The following PWWP3A variants were observed in gnomAD, a reference collection of about 807,000 sequenced individuals.
PWWP3A encodes the protein PWWP domain-containing DNA repair factor 3A.
A neutral mutation model predicts 79.0 loss-of-function variants in PWWP3A; 53 were observed. The ratio of observed to expected loss-of-function variants is 0.67; its 90% confidence interval spans 0.54 to 0.84. The LOEUF is 0.84. PWWP3A is among the 40% of genes least tolerant of loss of function. The probability of loss-of-function intolerance (pLI) is 0.00; values close to 1 mark genes in which losing one functional copy is unlikely to be tolerated. For missense variants in PWWP3A, 973 were observed against 948.0 expected, an observed-to-expected ratio of 1.03 and a Z score of -0.35; for synonymous variants, 443 against 394.4, an observed-to-expected ratio of 1.12 and a Z score of -1.46.
At chr19:1,357,503 GACAGGCCCA>G (rs1253095168) in intron 3 of PWWP3A, 1 of 149,240 alleles carries the variant, frequency 6.7e-6, no homozygotes, top group Non-Finnish European at 1.4e-5. Flanking sequence ...AAACGTCTGT[GACAGGCCCA>G]TCAATTTTGA....
In PWWP3A at chr19:1,369,122, C is replaced by A. The variant is rs1007729671; in HGVS notation, c.1423-143C>A. 11 of 690,322 alleles carry A rather than the reference C, an allele frequency of 1.6e-5. No individual in the cohort carries two copies. The highest frequency in any genetic ancestry group is 3.4e-4 in the Middle Eastern group (1 of 2,948). The allele number at this position is 690,322 out of a possible 1,614,324, so 42.8% of individuals were successfully genotyped here. A position where few individuals can be genotyped will look rare whatever the true frequency, so the allele number is the denominator to read the frequency against. ...CTGTGCGAGGCGTCTGCCAGAGCCCCCTTTGTCAGGGAGGGTCAGAGGTGC... is the reference window on the plus strand; with the variant it reads ...CTGTGCGAGGCGTCTGCCAGAGCCCACTTTGTCAGGGAGGGTCAGAGGTGC... On this transcript the variant is annotated intron_variant, in intron 9 of 13. Coordinates refer to ENST00000591337, the MANE Select transcript of PWWP3A (RefSeq NM_001369789.1). The surrounding 1 kb of genome is among the most constrained non-coding windows in gnomAD (Gnocchi z 4.0).
rs539512712 is a variant in PWWP3A at position 1,374,187 on chromosome 19, A to AT, written c.2075+1038dup. ...CCATCTGTGGAAATCTTTCATCCTG[A>AT]TTTTTTTTTTTGAGTCTGGGTTGCC... On this transcript the variant is annotated intron_variant, in intron 13 of 13. Transcript: ENST00000591337. 3.9e-4 allele frequency: 58 copies of AT among 147,622 alleles called. 1 individual carries two copies. Among genetic ancestry groups the AT allele is most frequent in the South Asian group, 1.5e-3 (7 of 4,642 alleles). 9.1% of individuals were successfully genotyped at this position (147,622 alleles called of 1,614,324 possible).
intron 12 of PWWP3A, 113 bp downstream of exon 12, chr19:1,371,191 G>A (rs754479381): frequency 2.5e-5 from 31 of 1,259,504 alleles, no homozygotes; most frequent in South Asian, 1.0e-4. Flanking sequence ...GCCGTTCGGC[G>A]GCCAACGGAG....
At chr19:1,375,527 A>T (rs553686350) in intron 13 of PWWP3A, among the ~76,000 whole-genome samples, 3 of 9,064 alleles carry the variant, frequency 3.3e-4, no homozygotes, top group East Asian at 0.014. Context: ...AAATCATATA[A>T]TTTATATATT....
chr19:1,366,518 G>A (rs1410428078), intron 8 of PWWP3A, 137 bp downstream of exon 8: 1 of 748,692 alleles, frequency 1.3e-6, no homozygotes, highest in Non-Finnish European at 2.3e-6. Flanking sequence ...GGCTAGTGAG[G>A]TCTCACTGGA....
rs1198575975 is a variant in PWWP3A at position 1,360,162 on chromosome 19, C to T, written c.241C>T (p.Pro81Ser). Residue 81 changes from proline (P) to serine (S), a missense_variant, in exon 5 of 14, where the codon CCC (proline) becomes TCC (serine). Physicochemically the swap from Pro to Ser is moderately conservative, Grantham distance 74 (BLOSUM62 -1). Coordinates refer to ENST00000591337, the MANE Select transcript of PWWP3A (RefSeq NM_001369789.1). The surrounding 1 kb of genome is among the most constrained non-coding windows in gnomAD (Gnocchi z 4.4). ...CTCACAGAATGAGGTTCCTGCGGCA[C>T]CCCTGGAAGAACTGGCCTACAGACG... ...LASQNEVPAA[P>S]LEELAYRRSL... 6.3e-7 allele frequency: 1 copy of T among 1,575,656 alleles called. No homozygotes were observed. The highest frequency in any genetic ancestry group is 1.2e-5 in the South Asian group (1 of 84,872).
Position 1,359,013 on chromosome 19 carries a change from C to G in PWWP3A, c.214+549C>G, listed in dbSNP as rs79755461. ...GGTCGGAAGTGGAGCTCTCGGCTTC[C>G]CATCCATCCGGGTGCGCTTTCTCCC... On this transcript the variant is annotated intron_variant, in intron 4 of 13. Transcript: ENST00000591337. The G allele has an allele frequency of 6.8e-3, 2,064 of 302,374 alleles. 4 individuals are homozygous for G. The highest frequency in any genetic ancestry group is 0.011 in the Non-Finnish European group (1,661 of 148,986). The allele number at this position is 302,374 out of a possible 1,614,324, so 18.7% of individuals were successfully genotyped here. A position where few individuals can be genotyped will look rare whatever the true frequency, so the allele number is the denominator to read the frequency against.
intron 1 of PWWP3A, 104 bp from the exon 2 acceptor site, chr19:1,356,220 T>A: frequency 1.2e-5 from 7 of 594,146 alleles, no homozygotes; most frequent in Non-Finnish European, 1.9e-5. Context: ...AATTAAACCA[T>A]CTACTTGAGG....
intron 12 of PWWP3A, 30 bp downstream of exon 12, chr19:1,371,108 C>G: frequency 6.5e-7 from 1 of 1,542,116 alleles, no homozygotes; most frequent in South Asian, 1.2e-5. Context: ...GTCACGTGGG[C>G]AGGGAGGGGC....
chr19:1,362,390 G>C, intron 6 of PWWP3A, 39 bp downstream of exon 6: 1 of 1,538,696 alleles, frequency 6.5e-7, no homozygotes, highest in Non-Finnish European at 8.9e-7. Context: ...TCCTAACGGT[G>C]CGCTCAGAGG....
Position 1,373,140 on chromosome 19 carries a change from GGGGC to G in PWWP3A, c.2056_2059del (p.Gly686LeufsTer3). ...AGACGGCTGAGGAGAAGTACATCAA[GGGGC>G]CTTCGCTGAGCTACCGGTAGGCCGC... On this transcript the variant is annotated frameshift_variant, in exon 13 of 14. Coordinates refer to ENST00000591337, the MANE Select transcript of PWWP3A (RefSeq NM_001369789.1). LOFTEE classifies it high-confidence loss of function. 6.2e-7 allele frequency: 1 copy of G among 1,614,184 alleles called. No homozygotes were observed. The highest frequency in any genetic ancestry group is 8.5e-7 in the Non-Finnish European group (1 of 1,180,016).
At position 1,369,600 on chromosome 19, in the gene PWWP3A, C is replaced by T. The variant is rs151325325; in HGVS notation, c.1503C>T (p.Cys501=). The change falls in exon 11 of 14, where the codon TGC becomes TGT. Residue 501 remains cysteine, a synonymous_variant. Coordinates refer to ENST00000591337, the MANE Select transcript of PWWP3A (RefSeq NM_001369789.1). The surrounding 1 kb of genome is among the most constrained non-coding windows in gnomAD (Gnocchi z 4.0). The stretch of plus-strand genomic sequence containing the variant: ...TCTCCCCTCCACCCCCTGCAGGCTG[C>T]GGGTCTTTTGCTGGCTCTTTCCTGG... ...LITDYRVRLG[C]GSFAGSFLEY... is the part of the protein sequence containing the mutation. 116 of 1,614,162 alleles carry T rather than the reference C, an allele frequency of 7.2e-5. No homozygotes were observed. The highest frequency in any genetic ancestry group is 2.3e-4 in the South Asian group (21 of 91,080).
intron 6 of PWWP3A, chr19:1,364,134 TG>T (rs746134634): frequency 5.7e-6 from 3 of 525,174 alleles, no homozygotes; most frequent in South Asian, 4.2e-5. Flanking sequence ...CTCTGTTTTG[TG>T]CCACACACTC....
chr19:1,360,860 C>G lies in PWWP3A; in HGVS notation c.939C>G (p.Ala313=), dbSNP rs776190149. The G allele has an allele frequency of 1.9e-6, 3 of 1,546,614 alleles. No homozygotes were observed. Among genetic ancestry groups the G allele is most frequent in the Non-Finnish European group, 2.6e-6 (3 of 1,146,496 alleles). The change falls in exon 5 of 14, where the codon GCC becomes GCG. Residue 313 remains alanine, a synonymous_variant. Transcript: ENST00000591337. The surrounding 1 kb of genome is among the most constrained non-coding windows in gnomAD (Gnocchi z 4.4). ...PRLDGSQRPP[A]VQLEPMAAGA... The stretch of plus-strand genomic sequence containing the variant: ...TGGATGGCAGCCAAAGGCCGCCTGC[C>G]GTGCAGCTGGAGCCCATGGCAGCAG...
chr19:1,372,772 C>CAAA, intron 12 of PWWP3A: 3 of 266,912 alleles, frequency 1.1e-5, no homozygotes, highest in South Asian at 7.3e-5. Flanking sequence ...AAACCGCCAC[C>CAAA]AAAAAAAAAA....
chr19:1,370,028 A>G (rs552441789), intron 11 of PWWP3A, among the ~76,000 whole-genome samples: 2 of 152,226 alleles, frequency 1.3e-5, no homozygotes, highest in Non-Finnish European at 2.9e-5. Context: ...CCAGGAGTTC[A>G]AGACTAGCTT....
chr19:1,358,592 C>A, intron 4 of PWWP3A, 128 bp downstream of exon 4: 3 of 1,587,828 alleles, frequency 1.9e-6, no homozygotes, highest in South Asian at 2.2e-5. Flanking sequence ...TACAAGGGAA[C>A]GCGAATCCCC....
In PWWP3A at chr19:1,375,695, CAATTT is replaced by C. The variant is rs903362061; in HGVS notation, c.2076-820_2076-816del. ...ATGTACAATTTTATAATATATAAAA[CAATTT>C]AATATATAATATATATAAAGTATGT... On this transcript the variant is annotated intron_variant, in intron 13 of 13. Coordinates refer to ENST00000591337, the MANE Select transcript of PWWP3A (RefSeq NM_001369789.1). Among the ~76,000 whole-genome samples the C allele has an allele frequency of 5.4e-4, 45 of 83,164 alleles. 1 individual carries two copies. The highest frequency in any genetic ancestry group is 1.8e-3 in the African/African-American group (38 of 21,626). The allele number at this position is 83,164 out of a possible 152,430, so 54.6% of individuals were successfully genotyped here. A position where few individuals can be genotyped will look rare whatever the true frequency, so the allele number is the denominator to read the frequency against.
intron 12 of PWWP3A, 94 bp downstream of exon 12, chr19:1,371,172 T>C (rs1665613062): frequency 7.0e-7 from 1 of 1,426,316 alleles, no homozygotes; most frequent in Middle Eastern, 1.7e-4. Context: ...TCCTCGCCCC[T>C]GCTCCCTGGC....
Sources: allele counts gnomAD v4.1 joint callset (sites outside exome capture counted in the v4.1 genomes callset), GRCh38; gene constraint gnomAD v4.1.1; non-coding constraint Gnocchi (gnomAD v3.1); transcripts MANE v1.5; gene names NCBI Gene and HGNC (gene_info 2026-07-23, HGNC 2026-07-21).